Variants in LANCL1 observed in about 807,000 individuals in gnomAD.
The protein encoded by LANCL1 is LanC like glutathione S-transferase 1.
In LANCL1, 50 loss-of-function variants were observed where a neutral mutation model predicts 50.6. The observed-to-expected ratio is 0.99, with a 90% confidence interval of 0.79 to 1.25. The LOEUF is 1.25. Among genes scored for constraint, LANCL1 ranks in the 50% most tolerant of loss-of-function variants. The pLI, the probability that LANCL1 is intolerant of heterozygous loss-of-function variation, is 0.00. For missense variants in LANCL1, 532 were observed against 480.7 expected, an observed-to-expected ratio of 1.11 and a Z score of -1.00; for synonymous variants, 188 against 178.6, an observed-to-expected ratio of 1.05 and a Z score of -0.42.
At chr2:210,437,641 T>C (rs1401101143) in intron 7 of LANCL1, 49 bp downstream of exon 7, 8 of 1,173,832 alleles carry the variant, frequency 6.8e-6, no homozygotes, top group Non-Finnish European at 9.2e-6. Context: ...TTTTAAATTA[T>C]AAATTTTTGG....
intron 3 of LANCL1, among the ~76,000 whole-genome samples, chr2:210,464,839 G>A (rs111363731): frequency 0.074 from 11,131 of 150,154 alleles, 1,669 homozygotes; most frequent in African/African-American, 0.26. Flanking sequence ...GGTGGCGGGC[G>A]CCTGTAGTCC....
At chr2:210,463,365 C>T (rs1268449069) in intron 3 of LANCL1, among the ~76,000 whole-genome samples, 1 of 152,054 alleles carries the variant, frequency 6.6e-6, no homozygotes, top group Non-Finnish European at 1.5e-5. Flanking sequence ...CACCCACCAC[C>T]AGACCTGGCT....
chr2:210,444,358 C>G (rs539613734), intron 4 of LANCL1, among the ~76,000 whole-genome samples: 37 of 152,202 alleles, frequency 2.4e-4, no homozygotes, highest in African/African-American at 8.7e-4. Context: ...TACTTCCACA[C>G]GCTTGTGGTG....
chr2:210,454,033 A>C (rs1693588340), intron 4 of LANCL1, among the ~76,000 whole-genome samples: 1 of 152,186 alleles, frequency 6.6e-6, no homozygotes, highest in South Asian at 2.1e-4. Context: ...ATGTATTTAA[A>C]AAAAGGTGTT....
chr2:210,472,160 T>C (rs1391580716), intron 2 of LANCL1, 84 bp from the exon 3 acceptor site: 5 of 908,884 alleles, frequency 5.5e-6, no homozygotes, highest in Admixed American at 1.8e-5. Context: ...CAGAAAGGTA[T>C]TTCTTTTCCA....
chr2:210,454,519 T>C (rs1379310704), intron 4 of LANCL1, among the ~76,000 whole-genome samples: 2 of 152,196 alleles, frequency 1.3e-5, no homozygotes, highest in Non-Finnish European at 2.9e-5. Flanking sequence ...GCACGCGCAG[T>C]GGAGCCTAAG....
At chr2:210,463,383 G>GT (rs966229644) in intron 3 of LANCL1, among the ~76,000 whole-genome samples, 3 of 152,014 alleles carry the variant, frequency 2.0e-5, no homozygotes, top group Non-Finnish European at 4.4e-5. Flanking sequence ...GCTATATAAA[G>GT]TTTTTTTGAG....
chr2:210,447,292 G>A (rs891987300), intron 4 of LANCL1, among the ~76,000 whole-genome samples: 2 of 152,126 alleles, frequency 1.3e-5, no homozygotes, highest in African/African-American at 4.8e-5. Context: ...ATCCTTTACG[G>A]ACAAGCAAAT....
intron 4 of LANCL1, among the ~76,000 whole-genome samples, chr2:210,448,061 A>T (rs1693398454): frequency 6.6e-6 from 1 of 152,248 alleles, no homozygotes; most frequent in Non-Finnish European, 1.5e-5. Flanking sequence ...CATTCTTCTC[A>T]GCACCACATC....
intron 4 of LANCL1, among the ~76,000 whole-genome samples, chr2:210,446,005 C>G (rs1693313674): frequency 6.6e-6 from 1 of 152,204 alleles, no homozygotes. Context: ...GACAGAGCAC[C>G]TGGGGGAAGG....
chr2:210,464,641 AATCT>A (rs1256561147), intron 3 of LANCL1, among the ~76,000 whole-genome samples: 3 of 152,174 alleles, frequency 2.0e-5, no homozygotes, highest in Non-Finnish European at 2.9e-5. Flanking sequence ...AATATACACA[AATCT>A]ATTATAAAAA....
chr2:210,446,405 G>A (rs1011085929), intron 4 of LANCL1, among the ~76,000 whole-genome samples: 6 of 152,122 alleles, frequency 3.9e-5, no homozygotes, highest in African/African-American at 1.4e-4. Flanking sequence ...GGAGAAACCA[G>A]TGCAAAAAGG....
rs2105879943 is a variant in LANCL1, at chr2:210,434,219, G to A, written c.*268C>T. The A allele has an allele frequency of 6.3e-6, 2 of 319,558 alleles. No individual in the cohort carries two copies. Among genetic ancestry groups the A allele is most frequent in the East Asian group, 5.5e-5 (1 of 18,158 alleles). 19.8% of individuals were successfully genotyped at this position (319,558 alleles called of 1,614,324 possible). On this transcript the variant is annotated 3_prime_UTR_variant, in exon 10 of 10. Coordinates refer to ENST00000450366, the MANE Select transcript of LANCL1 (RefSeq NM_006055.3). ...ATTTCCTCCAAGTTCTGGAATATAT[G>A]TATACAATCTCAAAACACTGTACAT...
At chr2:210,441,943 T>TGCCCA (rs1693150933) in intron 4 of LANCL1, among the ~76,000 whole-genome samples, 1 of 151,946 alleles carries the variant, frequency 6.6e-6, no homozygotes, top group African/African-American at 2.4e-5. Context: ...TCGCTCTTCT[T>TGCCCA]GCCCAGGCTG....
At chr2:210,442,028 G>T (rs990379547) in intron 4 of LANCL1, among the ~76,000 whole-genome samples, 2 of 151,430 alleles carry the variant, frequency 1.3e-5, no homozygotes, top group Non-Finnish European at 2.9e-5. Context: ...CCTCAGCCTC[G>T]CGAGGGGATG....
chr2:210,447,564 T>G (rs760297491), intron 4 of LANCL1, among the ~76,000 whole-genome samples: 4 of 152,014 alleles, frequency 2.6e-5, no homozygotes, highest in Admixed American at 6.6e-5. Context: ...ACTGGCAAAT[T>G]GGAGGAAGAG....
intron 4 of LANCL1, among the ~76,000 whole-genome samples, chr2:210,454,535 T>C (rs1001102681): frequency 6.6e-6 from 1 of 152,180 alleles, no homozygotes; most frequent in African/African-American, 2.4e-5. Flanking sequence ...CTAAGAGCGA[T>C]GCATGCAGAG....
intron 4 of LANCL1, among the ~76,000 whole-genome samples, chr2:210,454,732 G>A (rs138037125): frequency 5.3e-5 from 8 of 152,290 alleles, no homozygotes; most frequent in South Asian, 4.1e-4. Flanking sequence ...AAGAAAGGCC[G>A]TTTTGAATCA....
In LANCL1 at chr2:210,432,550, A is replaced by G. The variant is rs1242345559; in HGVS notation, c.*1937T>C. ...CCTTGAAATCTTCCTGGGGTTAAGC[A>G]TTGCTATCACGATGCTTGGAGAACT... On this transcript the variant is annotated 3_prime_UTR_variant, in exon 10 of 10. Transcript: ENST00000450366. 1.3e-5 allele frequency: 2 copies of G among 152,194 alleles called. No homozygotes were observed. The highest frequency in any genetic ancestry group is 4.8e-5 in the African/African-American group (2 of 41,450). 9.4% of individuals were successfully genotyped at this position (152,194 alleles called of 1,614,324 possible).
Sources: gnomAD v4.1 joint callset for allele counts (sites outside exome capture counted in the v4.1 genomes callset) on GRCh38, gnomAD v4.1.1 for gene constraint, MANE v1.5 for transcripts, NCBI Gene and HGNC (gene_info 2026-07-23, HGNC 2026-07-21) for gene names.